The following KIF6 variants were observed in gnomAD, a reference collection of about 807,000 sequenced individuals.
KIF6 encodes the protein kinesin-like protein KIF6.
KIF6 carries 106 observed loss-of-function variants against 112.7 expected under a neutral mutation model. That is an observed-to-expected ratio of 0.94 (90% CI 0.80 to 1.11). The LOEUF is 1.11. KIF6 is among the 50% of genes least tolerant of loss of function. The probability of loss-of-function intolerance (pLI) is 0.00; values close to 1 mark genes in which losing one functional copy is unlikely to be tolerated. For missense variants in KIF6, 929 were observed against 964.0 expected, an observed-to-expected ratio of 0.96 and a Z score of 0.48; for synonymous variants, 339 against 339.9, an observed-to-expected ratio of 1.00 and a Z score of 0.03.
At chr6:39,576,366 C>A (rs575766997) in intron 10 of KIF6, among the ~76,000 whole-genome samples, 1 of 152,096 alleles carries the variant, frequency 6.6e-6, no homozygotes. Flanking sequence ...TCAGGTGATC[C>A]ACCCGCCTCA....
chr6:39,455,147 T>C (rs1174812346), intron 13 of KIF6, among the ~76,000 whole-genome samples: 1 of 152,122 alleles, frequency 6.6e-6, no homozygotes, highest in African/African-American at 2.4e-5. Context: ...AGAGCAGTGG[T>C]TCTCATAGCA....
chr6:39,592,834 G>T (rs527570925), intron 7 of KIF6, among the ~76,000 whole-genome samples: 1 of 152,190 alleles, frequency 6.6e-6, no homozygotes, highest in African/African-American at 2.4e-5. Flanking sequence ...ACTCAGAGAG[G>T]TTGCACCCTT....
At chr6:39,553,319 C>T (rs1779498124) in intron 10 of KIF6, among the ~76,000 whole-genome samples, 1 of 152,162 alleles carries the variant, frequency 6.6e-6, no homozygotes. Flanking sequence ...AGGGTAAATT[C>T]ATCTTAGTAA....
intron 10 of KIF6, among the ~76,000 whole-genome samples, chr6:39,548,445 G>A (rs987198277): frequency 2.0e-5 from 3 of 152,232 alleles, no homozygotes; most frequent in African/African-American, 7.2e-5. Context: ...TCTGGGACTT[G>A]ATTAGTCTAG....
At chr6:39,606,737 A>G (rs993059793) in intron 6 of KIF6, among the ~76,000 whole-genome samples, 1 of 152,158 alleles carries the variant, frequency 6.6e-6, no homozygotes, top group African/African-American at 2.4e-5. Flanking sequence ...AATGGCTTGT[A>G]TTTAAGGTTT....
chr6:39,470,923 A>G (rs956493964), intron 13 of KIF6, among the ~76,000 whole-genome samples: 3 of 152,208 alleles, frequency 2.0e-5, no homozygotes, highest in African/African-American at 7.2e-5. Flanking sequence ...GGAACACCAC[A>G]GAGCTCTTTT....
intron 7 of KIF6, 33 bp from the exon 8 acceptor site, chr6:39,586,437 T>C: frequency 1.3e-6 from 2 of 1,596,418 alleles, no homozygotes; most frequent in African/African-American, 1.3e-5. Context: ...TGGGATTAAT[T>C]TAGCAAGAAA....
chr6:39,492,035 G>A (rs981270885), intron 13 of KIF6, among the ~76,000 whole-genome samples: 5 of 152,166 alleles, frequency 3.3e-5, no homozygotes, highest in African/African-American at 1.2e-4. Flanking sequence ...AAAGGTTCTT[G>A]AGTTAAGAAA....
At chr6:39,535,737 C>T (rs1778380470) in intron 13 of KIF6, among the ~76,000 whole-genome samples, 1 of 152,182 alleles carries the variant, frequency 6.6e-6, no homozygotes, top group Non-Finnish European at 1.5e-5. Context: ...CAGAACTCTC[C>T]ACCCAAAATC....
chr6:39,507,262 T>C (rs552637681), intron 13 of KIF6, among the ~76,000 whole-genome samples: 1 of 152,296 alleles, frequency 6.6e-6, no homozygotes, highest in Admixed American at 6.5e-5. Flanking sequence ...AAATGTAGGA[T>C]GCTCAGATGG....
intron 13 of KIF6, among the ~76,000 whole-genome samples, chr6:39,525,350 G>GCCC (rs1562286954): frequency 2.0e-5 from 3 of 152,078 alleles, no homozygotes; most frequent in African/African-American, 7.2e-5. Flanking sequence ...TACTGTACTT[G>GCCC]GGCCCCAGAA....
intron 13 of KIF6, among the ~76,000 whole-genome samples, chr6:39,477,594 G>A (rs1231498154): frequency 6.6e-6 from 1 of 152,220 alleles, no homozygotes; most frequent in East Asian, 1.9e-4. Context: ...TGGGTGCGGT[G>A]GCTCACGCCT....
At chr6:39,525,619 G>T (rs1281135933) in intron 13 of KIF6, among the ~76,000 whole-genome samples, 4 of 151,924 alleles carry the variant, frequency 2.6e-5, no homozygotes, top group African/African-American at 4.8e-5. Context: ...GCTGGGCATG[G>T]TGGTGGGTAC....
intron 16 of KIF6, among the ~76,000 whole-genome samples, chr6:39,366,168 A>G (rs1326708213): frequency 6.6e-6 from 1 of 152,162 alleles, no homozygotes; most frequent in African/African-American, 2.4e-5. Flanking sequence ...GATAACATCA[A>G]CGCCATCTGG....
chr6:39,627,997 T>C (rs2150747084), intron 5 of KIF6, among the ~76,000 whole-genome samples: 1 of 152,316 alleles, frequency 6.6e-6, no homozygotes, highest in African/African-American at 2.4e-5. Flanking sequence ...CATATGTGTG[T>C]ATATGCATAT....
intron 13 of KIF6, among the ~76,000 whole-genome samples, chr6:39,453,758 C>A (rs1274235452): frequency 6.6e-6 from 1 of 152,252 alleles, no homozygotes; most frequent in Non-Finnish European, 1.5e-5. Context: ...CACCTCCCAA[C>A]TGGCAATTCA....
In KIF6 at chr6:39,544,579, G is replaced by C. The variant is rs1483170662; in HGVS notation, c.1402C>G (p.Leu468Val). ...EEEYRKLRDILKQRDNEINIL... is the reference protein window; with the variant it reads ...EEEYRKLRDIVKQRDNEINIL... Reference sequence around the variant, plus strand: ...CTGATTTCGTTATCTCTCTGTTTCAGAATATCTCGTAGCTTTCTATATTCT... The same window carrying C: ...CTGATTTCGTTATCTCTCTGTTTCACAATATCTCGTAGCTTTCTATATTCT... Residue 468 changes from leucine to valine, a missense_variant, in exon 12 of 23, where the codon CTG becomes GTG. Around this residue, in one of 2 missense-constraint regions of KIF6, gnomAD observed 688 missense variants for 662.7 expected, o/e 1.04. Transcript: ENST00000287152. The C allele has an allele frequency of 1.2e-6, 2 of 1,612,558 alleles. No individual in the cohort carries two copies. The highest frequency in any genetic ancestry group is 1.7e-4 in the Middle Eastern group (1 of 6,056).
At chr6:39,606,935 T>C (rs374005208) in intron 6 of KIF6, among the ~76,000 whole-genome samples, 82 of 152,316 alleles carry the variant, frequency 5.4e-4, no homozygotes, top group African/African-American at 1.9e-3. Context: ...GACATATGAG[T>C]TGGCTCTCAG....
At chr6:39,658,911 A>G (rs1296053484) in intron 3 of KIF6, among the ~76,000 whole-genome samples, 1 of 152,174 alleles carries the variant, frequency 6.6e-6, no homozygotes, top group Non-Finnish European at 1.5e-5. Context: ...AATCACACAA[A>G]CTTTGGGCTA....
Sources: allele counts gnomAD v4.1 joint callset (sites outside exome capture counted in the v4.1 genomes callset), GRCh38; gene constraint gnomAD v4.1.1; regional missense constraint gnomAD v4.1.1; transcripts MANE v1.5; gene names NCBI Gene and HGNC (gene_info 2026-07-23, HGNC 2026-07-21).